SGCE: variants seen among roughly 807,000 people sequenced by gnomAD.
SGCE encodes epsilon-sarcoglycan.
A neutral mutation model predicts 57.8 loss-of-function variants in SGCE; 26 were observed. The observed-to-expected ratio is 0.45, with a 90% CI of 0.33 to 0.62. SGCE has a LOEUF of 0.62. SGCE is among the 20% of genes least tolerant of loss of function. The pLI, the probability that SGCE is intolerant of heterozygous loss-of-function variation, is 0.02. For synonymous variants in SGCE, 183 were observed against 189.5 expected, an observed-to-expected ratio of 0.97 and a Z score of 0.28; for missense variants, 468 against 548.6, an observed-to-expected ratio of 0.85 and a Z score of 1.47.
intron 1 of SGCE, among the ~76,000 whole-genome samples, chr7:94,649,491 C>A (rs550782195): frequency 1.3e-5 from 2 of 152,296 alleles, no homozygotes; most frequent in East Asian, 3.9e-4. Context: ...CAAGGAATTA[C>A]AAGTAGCCGC....
chr7:94,639,466 A>G lies in SGCE; in HGVS notation c.110-9625T>C, dbSNP rs1373907152. On this transcript the variant is annotated intron_variant, in intron 1 of 10. Transcript: ENST00000648936. The stretch of plus-strand genomic sequence containing the variant: ...TAAAAAAGCTTTTCAGAATAAAACA[A>G]ATGTACAAAAAAATGAAATTAATGT... 3 of 1,408,658 alleles carry G rather than the reference A, an allele frequency of 2.1e-6. No homozygotes were observed. In the African/African-American group the frequency reaches 4.3e-5, roughly 20 times the overall value. The allele number at this position is 1,408,658 out of a possible 1,614,324, so 87.3% of individuals were successfully genotyped here. A position where few individuals can be genotyped will look rare whatever the true frequency, so the allele number is the denominator to read the frequency against.
intron 10 of SGCE, chr7:94,586,721 T>TG (rs2116544180): frequency 2.3e-6 from 1 of 434,756 alleles, no homozygotes; most frequent in African/African-American, 2.2e-5. Context: ...AGGCTGGTCT[T>TG]GAACTCCTGA....
chr7:94,590,093 C>T (rs1797466858), intron 9 of SGCE: 1 of 152,156 alleles, frequency 6.6e-6, no homozygotes, highest in Non-Finnish European at 1.5e-5. Context: ...ATATATCTCA[C>T]TCCTACATGG....
At chr7:94,617,503 G>A (rs1179469839) in intron 5 of SGCE, 1 of 152,156 alleles carries the variant, frequency 6.6e-6, no homozygotes, top group Non-Finnish European at 1.5e-5. Context: ...CTTCAGGGAA[G>A]ATACCCCCAT....
At position 94,585,187 on chromosome 7, in the gene SGCE, G is replaced by A; in HGVS notation, c.*312C>T. On this transcript the variant is annotated 3_prime_UTR_variant, in exon 11 of 11. Transcript: ENST00000648936. ...CGATTAAAAGATTTCTACTAAATAG[G>A]AAGCAAATAGTTTACTGAAGTAAAT... is the stretch of plus-strand genomic sequence containing the variant. 3.3e-6 allele frequency: 1 copy of A among 304,670 alleles called. No homozygotes were observed. The highest frequency in any genetic ancestry group is 7.7e-5 in the South Asian group (1 of 13,006). The allele number at this position is 304,670 out of a possible 1,614,324, so 18.9% of individuals were successfully genotyped here. A position where few individuals can be genotyped will look rare whatever the true frequency, so the allele number is the denominator to read the frequency against.
chr7:94,628,303 G>T lies in SGCE; in HGVS notation c.289C>A (p.Arg97=), dbSNP rs121908489. 6.2e-7 allele frequency: 1 copy of T among 1,611,366 alleles called. No individual in the cohort carries two copies. Among genetic ancestry groups the T allele is most frequent in the East Asian group, 2.2e-5 (1 of 44,802 alleles). Residue 97 remains arginine, a synonymous_variant, in exon 3 of 11, where the codon CGA becomes AGA. Transcript: ENST00000648936. ...FNTNLMGYPD[R]PGWLRYIQRT... ...TGGATATATCGAAGCCATCCAGGTCGGTCTGGGTAACCCATTAAATTTGTA... is the reference window on the plus strand; with the variant it reads ...TGGATATATCGAAGCCATCCAGGTCTGTCTGGGTAACCCATTAAATTTGTA...
chr7:94,655,880 G>A, intron 1 of SGCE, 110 bp downstream of exon 1: 1 of 707,326 alleles, frequency 1.4e-6, no homozygotes, highest in Non-Finnish European at 2.6e-6. Flanking sequence ...GGGACAGAAA[G>A]AGAGGCTGGT....
At chr7:94,589,133 A>G (rs1367335492) in intron 9 of SGCE, 2 of 218,518 alleles carry the variant, frequency 9.2e-6, no homozygotes, top group East Asian at 2.0e-4. Flanking sequence ...CAGATCACAC[A>G]TTTTCATGGA....
chr7:94,644,025 C>T (rs559684297), intron 1 of SGCE, among the ~76,000 whole-genome samples: 26 of 152,156 alleles, frequency 1.7e-4, no homozygotes, highest in African/African-American at 5.6e-4. Flanking sequence ...AGGAAGAGAA[C>T]GCCACTGTGC....
rs952824954 is a variant in SGCE at position 94,591,559 on chromosome 7, C to G, written c.1254-2827G>C. On this transcript the variant is annotated intron_variant, in intron 9 of 10. Coordinates refer to ENST00000648936, the MANE Select transcript of SGCE (RefSeq NM_003919.3). ...GTTAGTAAACAAAGACACATGTTTTCCAAAAGCACTAGATTAAGGATCCTC... is the reference window on the plus strand; with the variant it reads ...GTTAGTAAACAAAGACACATGTTTTGCAAAAGCACTAGATTAAGGATCCTC... Among the ~76,000 whole-genome samples the G allele has an allele frequency of 3.9e-5, 6 of 152,218 alleles. No individual in the cohort carries two copies. In the East Asian group the frequency reaches 1.2e-3, roughly 29 times the overall value.
intron 5 of SGCE, among the ~76,000 whole-genome samples, chr7:94,616,679 A>C (rs1318692366): frequency 3.9e-5 from 6 of 152,198 alleles, no homozygotes; most frequent in African/African-American, 1.4e-4. Context: ...AACAGGGCTA[A>C]AAAATTGTTT....
chr7:94,644,673 AG>A, intron 1 of SGCE: 1 of 1,279,498 alleles, frequency 7.8e-7, no homozygotes, highest in Non-Finnish European at 1.0e-6. Flanking sequence ...TTCCACTGTA[AG>A]GGGGATGAAA....
chr7:94,649,745 G>A (rs1364013567), intron 1 of SGCE, among the ~76,000 whole-genome samples: 1 of 152,212 alleles, frequency 6.6e-6, no homozygotes, highest in African/African-American at 2.4e-5. Context: ...CAGAGTGAAA[G>A]TGACTGCATT....
At chr7:94,587,660 T>C in intron 10 of SGCE, 2 of 1,502,120 alleles carry the variant, frequency 1.3e-6, no homozygotes, top group Non-Finnish European at 1.8e-6. Context: ...ATCAATATAT[T>C]GAACAGTCTT....
intron 1 of SGCE, among the ~76,000 whole-genome samples, chr7:94,643,152 C>G (rs1216250948): frequency 6.6e-6 from 1 of 152,194 alleles, no homozygotes; most frequent in African/African-American, 2.4e-5. Context: ...TACAAAATTA[C>G]ACATATTATA....
At chr7:94,592,421 G>A (rs1797827739) in intron 9 of SGCE, among the ~76,000 whole-genome samples, 1 of 152,138 alleles carries the variant, frequency 6.6e-6, no homozygotes, top group African/African-American at 2.4e-5. Context: ...TCCTTCCAAG[G>A]AGGGACCTTA....
rs1798915148 is a variant in SGCE, at chr7:94,599,694, T to C, written c.1064+3A>G. 6.2e-7 allele frequency: 1 copy of C among 1,609,546 alleles called. No homozygotes were observed. Among genetic ancestry groups the C allele is most frequent in the Non-Finnish European group, 8.5e-7 (1 of 1,176,070 alleles). On this transcript the variant is annotated splice_donor_region_variant and intron_variant, in intron 8 of 10. Transcript: ENST00000648936. ...AGAAAATAACAGGAAAGAAGACACT[T>C]ACTCTGGTGTTTGCATGTTTCTCTT... is the stretch of plus-strand genomic sequence containing the variant.
intron 3 of SGCE, chr7:94,624,059 C>T (rs759389116): frequency 2.5e-5 from 10 of 392,654 alleles, no homozygotes; most frequent in Non-Finnish European, 4.0e-5. Context: ...CCAGTGCAAA[C>T]AACACACAAA....
chr7:94,585,663 G>A (rs1259049280), intron 10 of SGCE, 148 bp from the exon 11 acceptor site: 3 of 635,300 alleles, frequency 4.7e-6, no homozygotes, highest in South Asian at 2.2e-5. Context: ...CTCTGTATTT[G>A]GTTTTTTTAA....
Sources: allele counts gnomAD v4.1 joint callset (sites outside exome capture counted in the v4.1 genomes callset), GRCh38; gene constraint gnomAD v4.1.1; transcripts MANE v1.5; gene names NCBI Gene and HGNC (gene_info 2026-07-23, HGNC 2026-07-21).